APP: variants seen among roughly 807,000 people sequenced by gnomAD.
The protein encoded by APP is amyloid-beta precursor protein.
Under a neutral mutation model 101.4 loss-of-function variants are expected in APP, and 31 were observed. The ratio of observed to expected loss-of-function variants is 0.31; its 90% CI spans 0.23 to 0.41. The LOEUF is 0.41. Among genes scored for constraint, APP ranks in the 10% least tolerant of loss-of-function variants. APP has a pLI of 1.00. For missense variants in APP, 839 were observed against 1,003.7 expected (o/e 0.84, Z 2.22); for synonymous variants, 366 against 364.4 (o/e 1.00, Z -0.05).
At chr21:25,953,882 G>A (rs1047226313) in intron 13 of APP, among the ~76,000 whole-genome samples, 2 of 152,220 alleles carry the variant, frequency 1.3e-5, no homozygotes, top group South Asian at 4.1e-4. Flanking sequence ...CTATAGTTAC[G>A]TAAGATGTCA....
At chr21:26,068,803 T>C (rs990603400) in intron 3 of APP, among the ~76,000 whole-genome samples, 25 of 152,224 alleles carry the variant, frequency 1.6e-4, no homozygotes, top group African/African-American at 5.8e-4. Flanking sequence ...CTCTTCTTGC[T>C]TTCTCACTCA....
At chr21:25,882,795 T>C (rs1341135287) in intron 17 of APP, among the ~76,000 whole-genome samples, 1 of 152,202 alleles carries the variant, frequency 6.6e-6, no homozygotes, top group Non-Finnish European at 1.5e-5. Flanking sequence ...AGAGAAAAGT[T>C]TGGATGTACC....
intron 17 of APP, among the ~76,000 whole-genome samples, chr21:25,882,178 G>A (rs759350932): frequency 6.6e-6 from 1 of 151,856 alleles, no homozygotes; most frequent in Non-Finnish European, 1.5e-5. Context: ...AGAGTATCAT[G>A]GAGGGAGATT....
intron 5 of APP, among the ~76,000 whole-genome samples, chr21:26,048,523 A>T (rs2045706190): frequency 6.6e-6 from 1 of 152,192 alleles, no homozygotes; most frequent in African/African-American, 2.4e-5. Flanking sequence ...GCTTTCTACA[A>T]TATCCAATCG....
At chr21:26,119,685 A>AAC (rs5843212) in intron 1 of APP, among the ~76,000 whole-genome samples, 72,823 of 150,310 alleles carry the variant, frequency 0.48, 18,816 homozygotes, top group East Asian at 0.67. Flanking sequence ...TGCTAGAATG[A>AAC]ACACACACAC....
intron 5 of APP, among the ~76,000 whole-genome samples, chr21:26,044,231 G>A (rs1248241301): frequency 6.6e-6 from 1 of 152,220 alleles, no homozygotes; most frequent in Non-Finnish European, 1.5e-5. Context: ...GTTTGCAGCT[G>A]TAATGCACCA....
intron 3 of APP, among the ~76,000 whole-genome samples, chr21:26,070,889 C>T (rs1406429295): frequency 1.3e-5 from 2 of 152,140 alleles, no homozygotes; most frequent in Non-Finnish European, 1.5e-5. Context: ...GGCTACTCTT[C>T]AACTTAGTCA....
chr21:26,040,612 A>G (rs1021028207), intron 5 of APP, among the ~76,000 whole-genome samples: 4 of 151,036 alleles, frequency 2.6e-5, no homozygotes, highest in African/African-American at 9.8e-5. Context: ...CATTAAAAAA[A>G]AAAAAAAAAA....
intron 1 of APP, among the ~76,000 whole-genome samples, chr21:26,117,478 A>G (rs2062460356): frequency 6.6e-6 from 1 of 152,234 alleles, no homozygotes; most frequent in South Asian, 2.1e-4. Flanking sequence ...ACTAACAGAG[A>G]ACTGAAATTA....
intron 1 of APP, among the ~76,000 whole-genome samples, chr21:26,119,093 T>G (rs1485324222): frequency 1.3e-5 from 2 of 152,118 alleles, no homozygotes; most frequent in Non-Finnish European, 2.9e-5. Context: ...CCACATCTAT[T>G]TAGATAATCA....
chr21:25,931,822 T>C (rs1286769267), intron 13 of APP, among the ~76,000 whole-genome samples: 1 of 152,172 alleles, frequency 6.6e-6, no homozygotes, highest in Non-Finnish European at 1.5e-5. Context: ...TTTCAGAATA[T>C]TGGGTGGAGC....
intron 1 of APP, among the ~76,000 whole-genome samples, chr21:26,121,059 G>A (rs1022150730): frequency 3.9e-5 from 6 of 152,110 alleles, no homozygotes; most frequent in Non-Finnish European, 8.8e-5. Flanking sequence ...ATGGAATTCT[G>A]GCATGTTGGG....
chr21:25,909,525 TAATC>T (rs1167652008), intron 14 of APP, among the ~76,000 whole-genome samples: 12 of 146,846 alleles, frequency 8.2e-5, no homozygotes, highest in African/African-American at 3.0e-4. Flanking sequence ...CAGAAGTACT[TAATC>T]AAGGGCTTTG....
At chr21:26,105,382 G>C (rs904045052) in intron 2 of APP, among the ~76,000 whole-genome samples, 8 of 152,110 alleles carry the variant, frequency 5.3e-5, no homozygotes, top group African/African-American at 1.7e-4. Context: ...GAGATGGTAA[G>C]ATTATAACTT....
chr21:25,883,035 G>C (rs1209186109), intron 17 of APP, among the ~76,000 whole-genome samples: 4 of 152,180 alleles, frequency 2.6e-5, no homozygotes, highest in Non-Finnish European at 5.9e-5. Flanking sequence ...TCAGCAGTAA[G>C]ACATGAGGTC....
intron 1 of APP, among the ~76,000 whole-genome samples, chr21:26,139,280 G>A (rs1179903825): frequency 6.6e-6 from 1 of 152,150 alleles, no homozygotes. Context: ...GTACATTATC[G>A]TGTGCATACC....
intron 8 of APP, among the ~76,000 whole-genome samples, chr21:25,991,274 TC>T (rs1305826443): frequency 2.9e-4 from 1 of 3,448 alleles, no homozygotes; most frequent in East Asian, 6.0e-3. Flanking sequence ...ATACACTTCA[TC>T]CCCGTAACTA....
At chr21:26,143,048 G>A (rs2063081895) in intron 1 of APP, among the ~76,000 whole-genome samples, 2 of 152,170 alleles carry the variant, frequency 1.3e-5, no homozygotes, top group African/African-American at 4.8e-5. Context: ...ACAATGTGGT[G>A]GAGTGGGAAT....
In APP at chr21:26,022,058, C is replaced by A; in HGVS notation, c.663-16G>T. The A allele has an allele frequency of 6.2e-7, 1 of 1,612,262 alleles. No homozygotes were observed. Among genetic ancestry groups the A allele is most frequent in the Non-Finnish European group, 8.5e-7 (1 of 1,178,488 alleles). ...TTTGTCTTCACTGTGAAGGCAAACACAAATAACAGAAAAAGTCAATTAAAC... is the reference window on the plus strand; with the variant it reads ...TTTGTCTTCACTGTGAAGGCAAACAAAAATAACAGAAAAAGTCAATTAAAC... On this transcript the variant is annotated splice_polypyrimidine_tract_variant and intron_variant, in intron 5 of 17. Transcript: ENST00000346798.
Sources: allele counts gnomAD v4.1 joint callset (sites outside exome capture counted in the v4.1 genomes callset), GRCh38; gene constraint gnomAD v4.1.1; transcripts MANE v1.5; gene names NCBI Gene and HGNC (gene_info 2026-07-23, HGNC 2026-07-21).